Variants in STARD9 observed in about 807,000 individuals in gnomAD.
STARD9 encodes the protein stAR-related lipid transfer protein 9.
Under a neutral mutation model 399.8 loss-of-function variants are expected in STARD9, and 346 were observed. The observed-to-expected ratio is 0.87, with a 90% confidence interval of 0.79 to 0.95. STARD9 has a LOEUF of 0.95. Ranked by LOEUF, STARD9 falls within the 40% of genes least tolerant of loss-of-function variation. The pLI is 0.00. For synonymous variants in STARD9, 2,203 were observed against 2,143.5 expected, an observed-to-expected ratio of 1.03 and a Z score of -0.77; for missense variants, 5,832 against 5,667.5, an observed-to-expected ratio of 1.03 and a Z score of -0.93.
At chr15:42,717,697 C>CCCT (rs2061375357) in intron 28 of STARD9, 34 bp from the exon 29 acceptor site, 2 of 1,530,730 alleles carry the variant, frequency 1.3e-6, no homozygotes. Flanking sequence ...TTTTACTGTG[C>CCCT]CTCCTAATTT....
intron 3 of STARD9, among the ~76,000 whole-genome samples, chr15:42,591,199 A>G (rs2058385527): frequency 6.6e-6 from 1 of 152,240 alleles, no homozygotes; most frequent in South Asian, 2.1e-4. Flanking sequence ...AATAAAAAAC[A>G]TGTCCAGGCT....
chr15:42,692,815 G>A lies in STARD9; in HGVS notation c.11237G>A (p.Cys3746Tyr). Reference sequence around the variant, plus strand: ...ACTGACCTCACCTTACCCACCCTGTGCCTCCAGACTTCAGAGGCTGAACCT... The same window carrying A: ...ACTGACCTCACCTTACCCACCCTGTACCTCCAGACTTCAGAGGCTGAACCT... ...SQTDLTLPTL[C>Y]LQTSEAEPQG... The change falls in exon 23 of 33, where the codon TGC (cysteine) becomes TAC (tyrosine). Residue 3746 changes from cysteine (C) to tyrosine (Y), a missense_variant. By Grantham distance (194) the Cys-to-Tyr change is radical (BLOSUM62 -2). This residue lies in a region of STARD9 where 5,828 missense variants were observed against 5,651.1 expected (regional missense o/e 1.03). Coordinates refer to ENST00000290607, the MANE Select transcript of STARD9 (RefSeq NM_020759.3). 1 of 1,537,210 alleles carries A rather than the reference G, an allele frequency of 6.5e-7. No individual in the cohort carries two copies. The highest frequency in any genetic ancestry group is 8.7e-7 in the Non-Finnish European group (1 of 1,146,912).
At chr15:42,668,233 T>A (rs1181300775) in intron 15 of STARD9, among the ~76,000 whole-genome samples, 2 of 152,176 alleles carry the variant, frequency 1.3e-5, no homozygotes, top group South Asian at 4.1e-4. Context: ...CCTTTACAGG[T>A]ACCCTGTAGT....
At chr15:42,660,520 G>A (rs142508976) in intron 9 of STARD9, among the ~76,000 whole-genome samples, 238 of 150,972 alleles carry the variant, frequency 1.6e-3, no homozygotes, top group Non-Finnish European at 5.2e-4. Flanking sequence ...GGCCGAGATC[G>A]TGCCATTGCA....
At chr15:42,614,639 T>A (rs532261184) in intron 3 of STARD9, among the ~76,000 whole-genome samples, 1 of 152,198 alleles carries the variant, frequency 6.6e-6, no homozygotes, top group Non-Finnish European at 1.5e-5. Context: ...CCCTTTGACC[T>A]AGGGGTCCCA....
At chr15:42,680,433 C>T (rs1038643332) in intron 20 of STARD9, among the ~76,000 whole-genome samples, 1 of 152,034 alleles carries the variant, frequency 6.6e-6, no homozygotes, top group African/African-American at 2.4e-5. Flanking sequence ...AATCCTGTCT[C>T]TACTAAAAAT....
intron 7 of STARD9, among the ~76,000 whole-genome samples, chr15:42,639,343 A>G (rs1428272926): frequency 6.6e-6 from 1 of 152,158 alleles, no homozygotes; most frequent in Non-Finnish European, 1.5e-5. Context: ...CCAATATGGC[A>G]TGGCCTCTAC....
intron 23 of STARD9, 78 bp downstream of exon 23, chr15:42,694,420 G>A (rs764564263): frequency 2.6e-6 from 4 of 1,526,042 alleles, no homozygotes; most frequent in South Asian, 1.2e-5. Flanking sequence ...CTAATAGCTT[G>A]CTGTTTCCTC....
Position 42,685,328 on chromosome 15 carries a change from A to G in STARD9, c.3750A>G (p.Ala1250=). 6.5e-7 allele frequency: 1 copy of G among 1,537,112 alleles called. No individual in the cohort carries two copies. The highest frequency in any genetic ancestry group is 8.7e-7 in the Non-Finnish European group (1 of 1,146,896). ...DSSLPVMDQE[A]ICRLGPINYR... is the part of the protein sequence containing the mutation. ...GTCTGCCTGTAATGGACCAAGAGGC[A>G]ATATGCAGGCTTGGTCCCATCAACT... The change falls in exon 23 of 33, where the codon GCA becomes GCG. Residue 1250 remains alanine (A), a synonymous_variant. Transcript: ENST00000290607.
chr15:42,696,362 TGTG>T (rs1166816791), intron 26 of STARD9, among the ~76,000 whole-genome samples: 1 of 152,112 alleles, frequency 6.6e-6, no homozygotes, highest in Non-Finnish European at 1.5e-5. Context: ...TTGGGAGAGA[TGTG>T]GGCCTAGCAA....
intron 26 of STARD9, among the ~76,000 whole-genome samples, chr15:42,706,025 T>A (rs1483571621): frequency 1.3e-5 from 2 of 152,210 alleles, no homozygotes; most frequent in Non-Finnish European, 2.9e-5. Context: ...AGTGCTGGGA[T>A]TACAGGCGTG....
rs778686941 is a variant in STARD9, at chr15:42,693,577, C to T, written c.11999C>T (p.Pro4000Leu). The T allele has an allele frequency of 2.0e-5, 31 of 1,537,152 alleles. 1 individual carries two copies. In the African/African-American group the frequency reaches 3.7e-4, roughly 18 times the overall value. ...CAATTTAGTTTCTTAGGGCAGCACCCTCAGCAGCTTCAGCCCAGGACAACT... is the reference window on the plus strand; with the variant it reads ...CAATTTAGTTTCTTAGGGCAGCACCTTCAGCAGCTTCAGCCCAGGACAACT... ...KLQFSFLGQH[P>L]QQLQPRTTIG... The change falls in exon 23 of 33, where the codon CCT becomes CTT. Residue 4000 changes from proline (P) to leucine (L), a missense_variant. By Grantham distance (98) the Pro-to-Leu change is moderately conservative. Transcript: ENST00000290607.
chr15:42,639,944 A>G (rs1484552178), intron 7 of STARD9, among the ~76,000 whole-genome samples: 1 of 151,962 alleles, frequency 6.6e-6, no homozygotes, highest in Non-Finnish European at 1.5e-5. Context: ...TTTTTTAGCC[A>G]CAAGGTCTTA....
At chr15:42,633,145 TAA>T (rs758886456) in intron 3 of STARD9, among the ~76,000 whole-genome samples, 19 of 139,646 alleles carry the variant, frequency 1.4e-4, no homozygotes, top group Admixed American at 2.2e-4. Context: ...CTGTCTCAAT[TAA>T]AAAAAAAAAA....
At chr15:42,703,505 A>G (rs1022468565) in intron 26 of STARD9, among the ~76,000 whole-genome samples, 3 of 148,180 alleles carry the variant, frequency 2.0e-5, no homozygotes, top group Admixed American at 1.3e-4. Flanking sequence ...CTGAGATTAT[A>G]GGCGCCAGCC....
At chr15:42,659,919 A>C (rs2059960634) in intron 9 of STARD9, among the ~76,000 whole-genome samples, 2 of 152,206 alleles carry the variant, frequency 1.3e-5, no homozygotes, top group South Asian at 4.1e-4. Context: ...ATGTGCACAA[A>C]TATCCATAAC....
Position 42,716,682 on chromosome 15 carries a change from T to C in STARD9, c.13290T>C (p.His4430=), listed in dbSNP as rs942534164. 8 of 1,534,732 alleles carry C rather than the reference T, an allele frequency of 5.2e-6. No homozygotes were observed. The African/African-American group carries it at 1.1e-4, about 21-fold the overall frequency. ...GAGTATCCTCTCTTCTGCAGGGGCATACAAACTTGCCTGATTCCAGGGATG... is the reference window on the plus strand; with the variant it reads ...GAGTATCCTCTCTTCTGCAGGGGCACACAAACTTGCCTGATTCCAGGGATG... ...GQLQFPENMG[H]TNLPDSRDVW... The change falls in exon 27 of 33, where the codon CAT becomes CAC. Residue 4430 remains histidine (H), a synonymous_variant. Coordinates refer to ENST00000290607, the MANE Select transcript of STARD9 (RefSeq NM_020759.3).
At chr15:42,618,920 T>G (rs1382172269) in intron 3 of STARD9, among the ~76,000 whole-genome samples, 1 of 152,054 alleles carries the variant, frequency 6.6e-6, no homozygotes, top group Non-Finnish European at 1.5e-5. Flanking sequence ...CCCCAGATAT[T>G]TTTTTTAATC....
At chr15:42,706,503 T>C (rs1566962002) in intron 26 of STARD9, among the ~76,000 whole-genome samples, 1 of 151,582 alleles carries the variant, frequency 6.6e-6, no homozygotes, top group Non-Finnish European at 1.5e-5. Context: ...CAGGCTGGAG[T>C]GCAGTGGCAT....
Sources: allele counts gnomAD v4.1 joint callset (sites outside exome capture counted in the v4.1 genomes callset), GRCh38; gene constraint gnomAD v4.1.1; regional missense constraint gnomAD v4.1.1; transcripts MANE v1.5; gene names NCBI Gene and HGNC (gene_info 2026-07-23, HGNC 2026-07-21).